Variants in CYP27A1 observed in about 807,000 individuals in gnomAD.
CYP27A1 encodes sterol 26-hydroxylase, mitochondrial.
In CYP27A1, 46 loss-of-function variants were observed where a neutral mutation model predicts 58.2. That is an observed-to-expected ratio of 0.79 (90% CI 0.62 to 1.01). The LOEUF (loss-of-function observed/expected upper bound fraction) is 1.01. Among genes scored for constraint, CYP27A1 ranks in the 50% least tolerant of loss-of-function variants. The pLI, the probability that CYP27A1 is intolerant of heterozygous loss-of-function variation, is 0.00. For missense variants in CYP27A1, 704 were observed against 687.0 expected (o/e 1.02, Z -0.28); for synonymous variants, 274 against 285.1 (o/e 0.96, Z 0.39).
rs1943399928 is a variant in CYP27A1 at position 218,782,320 on chromosome 2, C to T, written c.138C>T (p.Ala46=). 6.2e-7 allele frequency: 1 copy of T among 1,612,382 alleles called. No individual in the cohort carries two copies. Among genetic ancestry groups the T allele is most frequent in the Non-Finnish European group, 8.5e-7 (1 of 1,179,184 alleles). ...PSDKATGAPG[A]GPGVRRRQRS... ...ACAAGGCCACCGGAGCTCCCGGAGC[C>T]GGGCCTGGTGTCCGGCGGCGGCAAC... is the stretch of plus-strand genomic sequence containing the variant. Residue 46 remains alanine, a synonymous_variant, in exon 1 of 9, where the codon GCC becomes GCT. Coordinates refer to ENST00000258415, the MANE Select transcript of CYP27A1 (RefSeq NM_000784.4). This position sits in a 1 kb window ranked among gnomAD's most constrained non-coding sequence, Gnocchi z 4.1.
chr2:218,783,630 AG>A, intron 1 of CYP27A1, among the ~76,000 whole-genome samples: 1 of 152,342 alleles, frequency 6.6e-6, no homozygotes, highest in African/African-American at 2.4e-5. Context: ...GAGGACAAAG[AG>A]ATAAAGCAAC....
intron 1 of CYP27A1, among the ~76,000 whole-genome samples, chr2:218,789,937 C>T (rs1047310592): frequency 1.3e-5 from 2 of 152,190 alleles, no homozygotes; most frequent in Admixed American, 6.5e-5. Flanking sequence ...AGAAGAAAAA[C>T]AAAACTTAGT....
chr2:218,814,351 G>A, intron 6 of CYP27A1, 29 bp from the exon 7 acceptor site: 3 of 1,610,810 alleles, frequency 1.9e-6, no homozygotes, highest in Non-Finnish European at 2.5e-6. Context: ...TGAATCCAGA[G>A]CAGACTCCAG....
In CYP27A1 at chr2:218,787,555, T is replaced by C. The variant is rs564504283; in HGVS notation, c.255+5118T>C. 3.3e-5 allele frequency among the ~76,000 whole-genome samples: 5 copies of C among 152,334 alleles called. No individual in the cohort carries two copies. In the South Asian group the frequency reaches 1.0e-3, roughly 32 times the overall value. The stretch of plus-strand genomic sequence containing the variant: ...GTTTGAATGTTTCCTAAAGTTCATG[T>C]GTTGGAAACTCGATCTCCAATGCAA... On this transcript the variant is annotated intron_variant, in intron 1 of 8. Coordinates refer to ENST00000258415, the MANE Select transcript of CYP27A1 (RefSeq NM_000784.4).
chr2:218,790,340 C>A (rs571021777), intron 1 of CYP27A1, among the ~76,000 whole-genome samples: 1 of 152,162 alleles, frequency 6.6e-6, no homozygotes, highest in African/African-American at 2.4e-5. Context: ...CAGTGCACCA[C>A]GGAGACTACT....
rs1417655712 is a variant in CYP27A1 at position 218,812,963 on chromosome 2, C to A, written c.884C>A (p.Ala295Asp). ...GATGAGAAGCTCGAAGATATGGAGGCCCAACTGCAGGCAGCAGGGCCAGAT... is the reference window on the plus strand; with the variant it reads ...GATGAGAAGCTCGAAGATATGGAGGACCAACTGCAGGCAGCAGGGCCAGAT... Reference protein sequence around the residue: ...LIDEKLEDMEAQLQAAGPDGI... With the variant: ...LIDEKLEDMEDQLQAAGPDGI... The change falls in exon 5 of 9, where the codon GCC becomes GAC. Residue 295 changes from alanine (A) to aspartate (D), a missense_variant. Physicochemically the swap from Ala to Asp is moderately radical, Grantham distance 126 (BLOSUM62 -2). Transcript: ENST00000258415. 3 of 1,614,244 alleles carry A rather than the reference C, an allele frequency of 1.9e-6. No individual in the cohort carries two copies. The highest frequency in any genetic ancestry group is 3.3e-5 in the Admixed American group (2 of 60,034).
In CYP27A1 at chr2:218,814,946, G is replaced by A. The variant is rs1177079490; in HGVS notation, c.1512G>A (p.Glu504=). The part of the protein sequence containing the change: ...IQKYKVVLAP[E]TGELKSVARI... ...AGTACAAGGTGGTCCTGGCCCCGGA[G>A]ACGGGGGAGTTGAAGAGTGTGGCCC... Residue 504 remains glutamate, a synonymous_variant, in exon 9 of 9, where the codon GAG becomes GAA. Transcript: ENST00000258415. 1 of 1,614,240 alleles carries A rather than the reference G, an allele frequency of 6.2e-7. No homozygotes were observed. The highest frequency in any genetic ancestry group is 1.1e-5 in the South Asian group (1 of 91,088).
intron 1 of CYP27A1, among the ~76,000 whole-genome samples, chr2:218,797,433 A>G (rs112136996): frequency 6.2e-4 from 94 of 152,200 alleles, no homozygotes; most frequent in Non-Finnish European, 1.2e-3. Flanking sequence ...CTCAGACATC[A>G]GAATTTCCGA....
intron 1 of CYP27A1, among the ~76,000 whole-genome samples, chr2:218,794,189 C>A (rs1943523853): frequency 6.6e-6 from 1 of 152,166 alleles, no homozygotes; most frequent in Admixed American, 6.5e-5. Context: ...CACCCCAGTG[C>A]GCGGACCAGT....
chr2:218,802,213 C>A (rs1259840950), intron 1 of CYP27A1, among the ~76,000 whole-genome samples: 1 of 151,974 alleles, frequency 6.6e-6, no homozygotes, highest in Non-Finnish European at 1.5e-5. Context: ...GGGCCACGTG[C>A]GTCACGGATA....
rs1434095401 is a variant in CYP27A1 at position 218,813,071 on chromosome 2, A to C, written c.992A>C (p.Glu331Ala). 6.2e-7 allele frequency: 1 copy of C among 1,613,372 alleles called. No individual in the cohort carries two copies. Among genetic ancestry groups the C allele is most frequent in the Admixed American group, 1.7e-5 (1 of 59,976 alleles). The stretch of plus-strand genomic sequence containing the variant: ...CGGGAGGCCATGGGCAGCCTGCCTG[A>C]GCTGCTCATGGCTGGAGTGGACACG... ...SPREAMGSLPELLMAGVDTTS... is the reference protein window; with the variant it reads ...SPREAMGSLPALLMAGVDTTS... Residue 331 changes from glutamate to alanine, a missense_variant, in exon 5 of 9, where the codon GAG becomes GCG. Coordinates refer to ENST00000258415, the MANE Select transcript of CYP27A1 (RefSeq NM_000784.4).
chr2:218,798,424 T>C (rs1943567277), intron 1 of CYP27A1, among the ~76,000 whole-genome samples: 1 of 152,258 alleles, frequency 6.6e-6, no homozygotes, highest in South Asian at 2.1e-4. Flanking sequence ...TTAACTTTAA[T>C]GTAAAGCCTG....
Position 218,812,363 on chromosome 2 carries a change from T to C in CYP27A1, c.588T>C (p.Ser196=). ...GACTGGACCAGCTGCGGGCAGAGAG[T>C]GCTTCGGGGAACCAGGTGTCGGACA... The part of the protein sequence containing the change: ...MTRLDQLRAE[S]ASGNQVSDMA... The change falls in exon 3 of 9, where the codon AGT becomes AGC. Residue 196 remains serine, a synonymous_variant. Transcript: ENST00000258415. The C allele has an allele frequency of 6.2e-7, 1 of 1,614,032 alleles. No individual in the cohort carries two copies. Among genetic ancestry groups the C allele is most frequent in the Non-Finnish European group, 8.5e-7 (1 of 1,179,982 alleles).
chr2:218,789,614 C>T (rs1943472106), intron 1 of CYP27A1, among the ~76,000 whole-genome samples: 1 of 152,214 alleles, frequency 6.6e-6, no homozygotes, highest in Admixed American at 6.5e-5. Flanking sequence ...CTGTATACAA[C>T]TCCATTTACG....
rs549562819 is a variant in CYP27A1 at position 218,794,608 on chromosome 2, G to T, written c.255+12171G>T. ...AAAAAAACTTTACCCTTTTGCCGGC[G>T]TGTTGGGCTTCTGGGTTCCCTTCCC... On this transcript the variant is annotated intron_variant, in intron 1 of 8. Coordinates refer to ENST00000258415, the MANE Select transcript of CYP27A1 (RefSeq NM_000784.4). Among the ~76,000 whole-genome samples, 57 of 152,282 alleles carry T rather than the reference G, an allele frequency of 3.7e-4. 1 individual carries two copies. In the South Asian group the frequency reaches 0.011, roughly 30 times the overall value.
intron 1 of CYP27A1, among the ~76,000 whole-genome samples, chr2:218,789,109 G>T (rs889987290): frequency 1.3e-5 from 2 of 152,206 alleles, no homozygotes; most frequent in Admixed American, 1.3e-4. Flanking sequence ...CAGATAAACT[G>T]CTGTAGGCAA....
At chr2:218,797,413 A>G (rs1943558168) in intron 1 of CYP27A1, among the ~76,000 whole-genome samples, 1 of 152,178 alleles carries the variant, frequency 6.6e-6, no homozygotes, top group Non-Finnish European at 1.5e-5. Flanking sequence ...ATTATGATTG[A>G]TAGCATATAC....
intron 1 of CYP27A1, among the ~76,000 whole-genome samples, chr2:218,807,599 C>A (rs1343370252): frequency 6.6e-6 from 1 of 152,106 alleles, no homozygotes; most frequent in African/African-American, 2.4e-5. Context: ...GCTCCCCTGA[C>A]CCTCCCATAG....
At chr2:218,804,876 C>T (rs1187070820) in intron 1 of CYP27A1, among the ~76,000 whole-genome samples, 2 of 152,206 alleles carry the variant, frequency 1.3e-5, no homozygotes, top group African/African-American at 4.8e-5. Flanking sequence ...TCTCACAGTT[C>T]TGTAGGCTAG....
Sources: allele counts gnomAD v4.1 joint callset (sites outside exome capture counted in the v4.1 genomes callset), GRCh38; gene constraint gnomAD v4.1.1; non-coding constraint Gnocchi (gnomAD v3.1); transcripts MANE v1.5; gene names NCBI Gene and HGNC (gene_info 2026-07-23, HGNC 2026-07-21).